The following RCHY1 variants were observed in gnomAD, a reference collection of about 807,000 sequenced individuals.
The protein encoded by RCHY1 is RING finger and CHY zinc finger domain-containing protein 1.
A neutral mutation model predicts 41.6 loss-of-function variants in RCHY1; 21 were observed. That is an observed-to-expected ratio of 0.51 (90% CI 0.36 to 0.73). The LOEUF (loss-of-function observed/expected upper bound fraction) is 0.73, where lower values mean the gene tolerates loss of function less well. Ranked by LOEUF, RCHY1 falls within the 30% of genes least tolerant of loss-of-function variation. The pLI, the probability that RCHY1 is intolerant of heterozygous loss-of-function variation, is 0.00. For missense variants in RCHY1, 265 were observed against 325.3 expected, an observed-to-expected ratio of 0.81 and a Z score of 1.43; for synonymous variants, 79 against 102.9, an observed-to-expected ratio of 0.77 and a Z score of 1.41.
At chr4:75,504,090 T>C (rs771963438) in intron 3 of RCHY1, among the ~76,000 whole-genome samples, 15 of 152,224 alleles carry the variant, frequency 9.9e-5, no homozygotes, top group African/African-American at 1.4e-4. Flanking sequence ...CCAAGACTTA[T>C]CAGTGGTGTA....
intron 1 of RCHY1, chr4:75,509,639 T>G: frequency 1.0e-5 from 2 of 194,992 alleles, no homozygotes; most frequent in Admixed American, 5.5e-5. Flanking sequence ...TCTCCCAGAA[T>G]TCCCACGTGT....
intron 3 of RCHY1, among the ~76,000 whole-genome samples, chr4:75,494,703 C>A (rs1417154010): frequency 6.6e-6 from 1 of 151,718 alleles, no homozygotes; most frequent in African/African-American, 2.4e-5. Flanking sequence ...TTATTTTTTA[C>A]GAGATTCCTA....
chr4:75,483,965 C>CTTTTGGAG (rs1721763996), intron 8 of RCHY1, among the ~76,000 whole-genome samples: 1 of 152,134 alleles, frequency 6.6e-6, no homozygotes, highest in Non-Finnish European at 1.5e-5. Flanking sequence ...GATCACTCTC[C>CTTTTGGAG]ATAAGCCAAA....
At chr4:75,502,033 T>C (rs955486577) in intron 3 of RCHY1, among the ~76,000 whole-genome samples, 41 of 151,466 alleles carry the variant, frequency 2.7e-4, no homozygotes, top group African/African-American at 9.9e-4. Context: ...GACAGTGCCA[T>C]TGTACAACAG....
At chr4:75,486,533 T>C (rs1322441874) in intron 8 of RCHY1, among the ~76,000 whole-genome samples, 1 of 152,030 alleles carries the variant, frequency 6.6e-6, no homozygotes, top group Non-Finnish European at 1.5e-5. Context: ...TAAATACTGA[T>C]ACAAAACAGT....
At chr4:75,509,336 A>G (rs1356507624) in intron 1 of RCHY1, 40 bp from the exon 2 acceptor site, 1 of 1,594,074 alleles carries the variant, frequency 6.3e-7, no homozygotes, top group South Asian at 1.1e-5. Flanking sequence ...GTAAGAAGCA[A>G]AAGAAACTAA....
In RCHY1 at chr4:75,494,108, C is replaced by A; in HGVS notation, c.398G>T (p.Arg133Ile). ...ACAAACTAAATTATATACCTTGTGT[C>A]TTCCTTGAAGATTCATAGCTAGGCA... is the stretch of plus-strand genomic sequence containing the variant. ...NLCLAMNLQG[R>I]HKCIENVSRQ... The change falls in exon 4 of 9, where the codon AGA becomes ATA. Residue 133 changes from arginine to isoleucine, a missense_variant. Physicochemically the swap from Arg to Ile is moderately conservative, Grantham distance 97. Coordinates refer to ENST00000324439, the MANE Select transcript of RCHY1 (RefSeq NM_015436.4). The A allele has an allele frequency of 6.5e-7, 1 of 1,535,368 alleles. No individual in the cohort carries two copies. The highest frequency in any genetic ancestry group is 1.2e-5 in the South Asian group (1 of 82,372).
In RCHY1 at chr4:75,481,537, T is replaced by C. The variant is rs2148701794; in HGVS notation, c.*1001A>G. On this transcript the variant is annotated 3_prime_UTR_variant, in exon 9 of 9. Transcript: ENST00000324439. ...TCTTGCCAGGAATATCCCATGCCCT[T>C]CCCACTCATCCATCCCCTATTTTCA... 6.6e-6 allele frequency: 1 copy of C among 152,280 alleles called. No homozygotes were observed. Among genetic ancestry groups the C allele is most frequent in the East Asian group, 1.9e-4 (1 of 5,196 alleles). The allele number at this position is 152,280 out of a possible 1,614,324, so 9.4% of individuals were successfully genotyped here.
chr4:75,494,323 A>G (rs1313457362), intron 3 of RCHY1, 144 bp from the exon 4 acceptor site: 4 of 629,172 alleles, frequency 6.4e-6, no homozygotes, highest in Non-Finnish European at 1.1e-5. Flanking sequence ...TATCTCCCCA[A>G]CATCCCTCTC....
At position 75,481,612 on chromosome 4, in the gene RCHY1, C is replaced by T. The variant is rs1457027678; in HGVS notation, c.*926G>A. 6.6e-6 allele frequency: 1 copy of T among 152,124 alleles called. No individual in the cohort carries two copies. Among genetic ancestry groups the T allele is most frequent in the Non-Finnish European group, 1.5e-5 (1 of 68,016 alleles). The allele number at this position is 152,124 out of a possible 1,614,324, so 9.4% of individuals were successfully genotyped here. On this transcript the variant is annotated 3_prime_UTR_variant, in exon 9 of 9. Coordinates refer to ENST00000324439, the MANE Select transcript of RCHY1 (RefSeq NM_015436.4). ...TTCATTTACAATAAGACATCCACTC[C>T]TTGCATAAAGAAAAATGAGTACATT...
At chr4:75,492,052 T>C (rs926507070) in intron 4 of RCHY1, 119 bp from the exon 5 acceptor site, 18 of 650,000 alleles carry the variant, frequency 2.8e-5, no homozygotes, top group Non-Finnish European at 4.2e-5. Context: ...CTAACATTAA[T>C]ATATGCTTTT....
chr4:75,507,483 T>C (rs915921634), intron 3 of RCHY1, among the ~76,000 whole-genome samples: 4 of 152,010 alleles, frequency 2.6e-5, no homozygotes, highest in Admixed American at 6.6e-5. Flanking sequence ...AAACTGTAGA[T>C]TGAAACACGA....
intron 3 of RCHY1, among the ~76,000 whole-genome samples, chr4:75,495,331 T>C (rs1723098100): frequency 6.6e-6 from 1 of 152,018 alleles, no homozygotes; most frequent in Non-Finnish European, 1.5e-5. Context: ...TTTTATATTT[T>C]TCTTTAATCC....
In RCHY1 at chr4:75,481,982, C is replaced by G. The variant is rs1242424548; in HGVS notation, c.*556G>C. On this transcript the variant is annotated 3_prime_UTR_variant, in exon 9 of 9. Transcript: ENST00000324439. ...CCCTAATTGAGCCAAACATAGAAAA[C>G]TTTGGAAAAAACTTTCTATAAAACA... 1 of 131,684 alleles carries G rather than the reference C, an allele frequency of 7.6e-6. No individual in the cohort carries two copies. The highest frequency in any genetic ancestry group is 1.6e-5 in the Non-Finnish European group (1 of 63,394). The allele number at this position is 131,684 out of a possible 1,614,324, so 8.2% of individuals were successfully genotyped here.
chr4:75,481,963 T>C lies in RCHY1; in HGVS notation c.*575A>G, dbSNP rs1021439879. The C allele has an allele frequency of 6.6e-6, 1 of 151,064 alleles. No individual in the cohort carries two copies. The highest frequency in any genetic ancestry group is 2.4e-5 in the African/African-American group (1 of 40,878). The allele number at this position is 151,064 out of a possible 1,614,324, so 9.4% of individuals were successfully genotyped here. Reference sequence around the variant, plus strand: ...TATAGAACTGATGATACTGCCCTAATTGAGCCAAACATAGAAAACTTTGGA... The same window carrying C: ...TATAGAACTGATGATACTGCCCTAACTGAGCCAAACATAGAAAACTTTGGA... On this transcript the variant is annotated 3_prime_UTR_variant, in exon 9 of 9. Transcript: ENST00000324439.
At chr4:75,496,405 G>A (rs1038771597) in intron 3 of RCHY1, among the ~76,000 whole-genome samples, 5 of 152,046 alleles carry the variant, frequency 3.3e-5, no homozygotes, top group Non-Finnish European at 5.9e-5. Context: ...CAGATTCATA[G>A]GACAGAGCAT....
At chr4:75,487,756 TAATA>T (rs1722315220) in intron 8 of RCHY1, among the ~76,000 whole-genome samples, 1 of 97,558 alleles carries the variant, frequency 1.0e-5, no homozygotes, top group South Asian at 2.8e-4. Context: ...TATATATTCA[TAATA>T]TATATATTCA....
chr4:75,484,204 C>T (rs755229173), intron 8 of RCHY1, among the ~76,000 whole-genome samples: 1 of 152,150 alleles, frequency 6.6e-6, no homozygotes, highest in Non-Finnish European at 1.5e-5. Flanking sequence ...CCAAGGGGAC[C>T]CAGTAAGGTA....
intron 3 of RCHY1, among the ~76,000 whole-genome samples, chr4:75,495,597 C>T (rs1723125773): frequency 6.6e-6 from 1 of 151,976 alleles, no homozygotes; most frequent in Non-Finnish European, 1.5e-5. Context: ...GAATATGAGG[C>T]ATTTTAGACT....
Sources: allele counts gnomAD v4.1 joint callset (sites outside exome capture counted in the v4.1 genomes callset), GRCh38; gene constraint gnomAD v4.1.1; transcripts MANE v1.5; gene names NCBI Gene and HGNC (gene_info 2026-07-23, HGNC 2026-07-21).